PARD3B: variants seen among roughly 807,000 people sequenced by gnomAD.
PARD3B encodes partitioning defective 3 homolog B.
PARD3B carries 103 observed loss-of-function variants against 130.2 expected under a neutral mutation model. The observed-to-expected ratio is 0.79, with a 90% CI of 0.67 to 0.93. PARD3B has a LOEUF of 0.93. PARD3B is among the 40% of genes least tolerant of loss of function. The pLI is 0.00. For synonymous variants in PARD3B, 583 were observed against 553.2 expected, an observed-to-expected ratio of 1.05 and a Z score of -0.76; for missense variants, 1,609 against 1,499.2, an observed-to-expected ratio of 1.07 and a Z score of -1.21.
At chr2:205,484,703 C>T (rs1161984736) in intron 20 of PARD3B, among the ~76,000 whole-genome samples, 1 of 152,136 alleles carries the variant, frequency 6.6e-6, no homozygotes, top group Non-Finnish European at 1.5e-5. Context: ...ACAGATCAGA[C>T]AGCTGCTTTA....
intron 18 of PARD3B, among the ~76,000 whole-genome samples, chr2:205,380,082 A>C (rs1431818600): frequency 1.4e-4 from 19 of 137,558 alleles, no homozygotes; most frequent in Middle Eastern, 3.6e-3. Flanking sequence ...AAAAAAAAAA[A>C]TATGTATATA....
chr2:204,573,528 CCTT>C (rs1172451834), intron 1 of PARD3B, among the ~76,000 whole-genome samples: 6 of 152,140 alleles, frequency 3.9e-5, no homozygotes, highest in Admixed American at 3.9e-4. Context: ...GGTTACTTGT[CCTT>C]TTTTTGTGGA....
At chr2:204,729,764 GACCCCTATTTTTTATTGT>G (rs1186531050) in intron 2 of PARD3B, among the ~76,000 whole-genome samples, 1 of 151,796 alleles carries the variant, frequency 6.6e-6, no homozygotes, top group Non-Finnish European at 1.5e-5. Flanking sequence ...GCTTAAGAAT[GACCCCTATTTTTTATTGT>G]ACCCCTGTTT....
rs561396020 is a variant in PARD3B, at chr2:205,459,617, G to T, written c.3044+18945G>T. On this transcript the variant is annotated intron_variant, in intron 20 of 22. Coordinates refer to ENST00000406610, the MANE Select transcript of PARD3B (RefSeq NM_001302769.2). The stretch of plus-strand genomic sequence containing the variant: ...ACATTTTTGCCTGTTGATCTTTCTT[G>T]TTGAGGCCCTACAGTCACTGTTGTG... Among the ~76,000 whole-genome samples the T allele has an allele frequency of 1.4e-3, 206 of 152,258 alleles. 1 individual carries two copies. The highest frequency in any genetic ancestry group is 4.8e-3 in the African/African-American group (198 of 41,546).
intron 1 of PARD3B, among the ~76,000 whole-genome samples, chr2:204,671,220 A>C (rs181096563): frequency 2.0e-5 from 3 of 152,238 alleles, no homozygotes; most frequent in Non-Finnish European, 2.9e-5. Context: ...CAAGGTTGGC[A>C]TGTGACCCCC....
At chr2:205,072,492 C>G (rs1036865364) in intron 4 of PARD3B, among the ~76,000 whole-genome samples, 2 of 152,070 alleles carry the variant, frequency 1.3e-5, no homozygotes, top group Admixed American at 6.5e-5. Flanking sequence ...CTTGGGTGAT[C>G]TACCCACCGT....
intron 1 of PARD3B, among the ~76,000 whole-genome samples, chr2:204,642,273 A>G (rs1195965621): frequency 6.6e-6 from 1 of 152,210 alleles, no homozygotes; most frequent in East Asian, 1.9e-4. Context: ...CCATTGGGCC[A>G]AATCTGGAGA....
At chr2:205,385,210 G>A (rs1459310512) in intron 18 of PARD3B, among the ~76,000 whole-genome samples, 1 of 151,634 alleles carries the variant, frequency 6.6e-6, no homozygotes, top group Non-Finnish European at 1.5e-5. Flanking sequence ...ATTCAAGTGA[G>A]TTTATGCAGT....
At chr2:204,871,497 A>C (rs1346022627) in intron 2 of PARD3B, among the ~76,000 whole-genome samples, 4 of 145,174 alleles carry the variant, frequency 2.8e-5, no homozygotes, top group Non-Finnish European at 4.4e-5. Context: ...CAATGGGGGG[A>C]AAAAAGTTCA....
chr2:205,406,091 A>G (rs1227552890), intron 19 of PARD3B, among the ~76,000 whole-genome samples: 2 of 152,210 alleles, frequency 1.3e-5, no homozygotes, highest in Non-Finnish European at 1.5e-5. Flanking sequence ...CTTATTAAAA[A>G]TGTTGAAAGA....
At chr2:205,235,463 C>A (rs548025217) in intron 15 of PARD3B, among the ~76,000 whole-genome samples, 5 of 151,978 alleles carry the variant, frequency 3.3e-5, no homozygotes, top group African/African-American at 9.7e-5. Flanking sequence ...GTCTCCACCC[C>A]CCTTGTCTAC....
At chr2:205,363,827 A>C (rs1192717134) in intron 18 of PARD3B, among the ~76,000 whole-genome samples, 3 of 129,524 alleles carry the variant, frequency 2.3e-5, no homozygotes, top group Admixed American at 8.4e-5. Context: ...ACAACGCCTG[A>C]CTGACTTTTT....
At position 205,288,675 on chromosome 2, in the gene PARD3B, A is replaced by G. The variant is rs2041487536; in HGVS notation, c.2186-11855A>G. The stretch of plus-strand genomic sequence containing the variant: ...ACCACATTGTTTTTTGTTACTAGTC[A>G]CTCCATCCTCCCGGTGTCCCCACCC... On this transcript the variant is annotated intron_variant, in intron 16 of 22. Coordinates refer to ENST00000406610, the MANE Select transcript of PARD3B (RefSeq NM_001302769.2). The surrounding 1 kb of genome is among the most constrained non-coding windows in gnomAD (Gnocchi z 4.0). 6.6e-6 allele frequency among the ~76,000 whole-genome samples: 1 copy of G among 151,228 alleles called. No individual in the cohort carries two copies. The highest frequency in any genetic ancestry group is 2.1e-4 in the South Asian group (1 of 4,748).
chr2:205,559,186 C>A (rs1437097133), intron 22 of PARD3B, among the ~76,000 whole-genome samples: 1 of 152,166 alleles, frequency 6.6e-6, no homozygotes, highest in East Asian at 1.9e-4. Context: ...TCATCTGTTG[C>A]CCACGTTGGA....
intron 2 of PARD3B, among the ~76,000 whole-genome samples, chr2:204,957,769 A>G (rs923145059): frequency 6.6e-6 from 1 of 152,162 alleles, no homozygotes; most frequent in Non-Finnish European, 1.5e-5. Context: ...GAAATTCTGC[A>G]GTTTCACTCC....
At chr2:205,536,472 G>A (rs1465455517) in intron 21 of PARD3B, among the ~76,000 whole-genome samples, 1 of 152,094 alleles carries the variant, frequency 6.6e-6, no homozygotes, top group Non-Finnish European at 1.5e-5. Flanking sequence ...GTTCCCCACG[G>A]TTGACCCTCA....
At chr2:205,209,348 A>T (rs1203292840) in intron 15 of PARD3B, among the ~76,000 whole-genome samples, 1 of 152,032 alleles carries the variant, frequency 6.6e-6, no homozygotes, top group African/African-American at 2.4e-5. Flanking sequence ...AGCAATGGCA[A>T]CAAAAGACAA....
At chr2:204,848,928 T>A (rs898417044) in intron 2 of PARD3B, among the ~76,000 whole-genome samples, 88 of 152,248 alleles carry the variant, frequency 5.8e-4, no homozygotes, top group African/African-American at 2.1e-3. Flanking sequence ...GTTTCTAGCT[T>A]ATCAATAACA....
intron 19 of PARD3B, among the ~76,000 whole-genome samples, chr2:205,419,072 T>C (rs2106084475): frequency 6.6e-6 from 1 of 152,298 alleles, no homozygotes; most frequent in East Asian, 1.9e-4. Context: ...CATACAGTAA[T>C]ACAGCACTGA....
Sources: allele counts gnomAD v4.1 joint callset (sites outside exome capture counted in the v4.1 genomes callset), GRCh38; gene constraint gnomAD v4.1.1; non-coding constraint Gnocchi (gnomAD v3.1); transcripts MANE v1.5; gene names NCBI Gene and HGNC (gene_info 2026-07-23, HGNC 2026-07-21).